Variants in NPAS2 observed in about 807,000 individuals in gnomAD.
NPAS2 encodes the protein neuronal PAS domain protein 2, also known as neuronal PAS domain-containing protein 2.
In NPAS2, 23 loss-of-function variants were observed where a neutral mutation model predicts 107.5. The ratio of observed to expected loss-of-function variants is 0.21; its 90% CI spans 0.15 to 0.30. The LOEUF (loss-of-function observed/expected upper bound fraction) is 0.30. NPAS2 is among the 10% of genes least tolerant of loss of function. The pLI is 1.00. For synonymous variants in NPAS2, 403 were observed against 417.5 expected, an observed-to-expected ratio of 0.97 and a Z score of 0.42; for missense variants, 756 against 1,043.3, an observed-to-expected ratio of 0.72 and a Z score of 3.79.
intron 1 of NPAS2, among the ~76,000 whole-genome samples, chr2:100,852,839 T>G (rs1678291229): frequency 6.6e-6 from 1 of 152,146 alleles, no homozygotes; most frequent in South Asian, 2.1e-4. Context: ...AGGTTAGCAC[T>G]AGTTCCTGCA....
chr2:100,823,289 G>A (rs1676184297), intron 1 of NPAS2, among the ~76,000 whole-genome samples: 1 of 152,130 alleles, frequency 6.6e-6, no homozygotes, highest in African/African-American at 2.4e-5. Flanking sequence ...AGTCTTTAAG[G>A]CACAACTGCT....
intron 1 of NPAS2, among the ~76,000 whole-genome samples, chr2:100,882,405 C>G (rs187641501): frequency 5.3e-5 from 8 of 152,066 alleles, no homozygotes; most frequent in Non-Finnish European, 1.0e-4. Context: ...GTCAGGAGTT[C>G]GAGACCATCC....
intron 4 of NPAS2, among the ~76,000 whole-genome samples, chr2:100,936,407 G>A (rs1167804937): frequency 2.0e-5 from 3 of 152,050 alleles, no homozygotes. Flanking sequence ...GTCCAGATTC[G>A]GGGAAGATAG....
intron 15 of NPAS2, among the ~76,000 whole-genome samples, chr2:100,979,899 A>G (rs970639979): frequency 1.3e-5 from 2 of 152,096 alleles, no homozygotes; most frequent in African/African-American, 4.8e-5. Flanking sequence ...TTCCCACTTC[A>G]TGTGAAATAC....
intron 3 of NPAS2, among the ~76,000 whole-genome samples, chr2:100,928,382 A>G (rs1390216623): frequency 6.6e-6 from 1 of 151,190 alleles, no homozygotes; most frequent in East Asian, 1.9e-4. Flanking sequence ...AAACTAGGTC[A>G]TTGCCACCGA....
At chr2:100,950,030 C>T (rs1396584731) in intron 7 of NPAS2, among the ~76,000 whole-genome samples, 3 of 152,202 alleles carry the variant, frequency 2.0e-5, no homozygotes, top group Non-Finnish European at 4.4e-5. Flanking sequence ...TCTGAAAGTA[C>T]CCGGTTACCT....
chr2:100,920,028 A>G (rs769873302), intron 2 of NPAS2, among the ~76,000 whole-genome samples: 1 of 152,162 alleles, frequency 6.6e-6, no homozygotes, highest in Non-Finnish European at 1.5e-5. Flanking sequence ...ATATCGCTTG[A>G]TGGAGCGCCT....
At chr2:100,827,989 T>C (rs1031818595) in intron 1 of NPAS2, among the ~76,000 whole-genome samples, 1 of 152,228 alleles carries the variant, frequency 6.6e-6, no homozygotes, top group African/African-American at 2.4e-5. Context: ...TTGAGAAAGC[T>C]CCAAACTGCA....
chr2:100,878,235 CA>C (rs1444132799), intron 1 of NPAS2: 1 of 985,130 alleles, frequency 1.0e-6, no homozygotes, highest in Non-Finnish European at 1.2e-6. Context: ...GGGCAGAAGG[CA>C]AAAAAATATA....
intron 14 of NPAS2, chr2:100,977,261 CT>C (rs1327680304): frequency 5.0e-6 from 1 of 199,140 alleles, no homozygotes; most frequent in Non-Finnish European, 1.1e-5. Flanking sequence ...CATGGCGTGT[CT>C]GTCCATCTGC....
At chr2:100,888,843 G>A (rs911356966) in intron 1 of NPAS2, among the ~76,000 whole-genome samples, 15 of 152,080 alleles carry the variant, frequency 9.9e-5, no homozygotes, top group African/African-American at 3.1e-4. Flanking sequence ...TTGACACCCC[G>A]AAGCCACCAC....
intron 1 of NPAS2, among the ~76,000 whole-genome samples, chr2:100,873,371 T>G (rs1679749148): frequency 6.9e-6 from 1 of 145,702 alleles, no homozygotes; most frequent in South Asian, 2.1e-4. Flanking sequence ...TGTGTATATA[T>G]ATATATTTTT....
At chr2:100,918,258 A>G (rs13028118) in intron 2 of NPAS2, among the ~76,000 whole-genome samples, 104,046 of 151,828 alleles carry the variant, frequency 0.69, 35,768 homozygotes, top group Admixed American at 0.77. Context: ...TCAATACTGA[A>G]ATTATAAATC....
intron 1 of NPAS2, among the ~76,000 whole-genome samples, chr2:100,875,461 TACACACACACACACACACACACACACAC>T (rs56331462): frequency 7.0e-6 from 1 of 143,568 alleles, no homozygotes; most frequent in African/African-American, 2.6e-5. Flanking sequence ...ATTAAAAGCT[TACACACACACACACACACACACACACAC>T]ACACACACAC....
chr2:100,995,863 G>A lies in NPAS2; in HGVS notation c.*281G>A, dbSNP rs1160456590. On this transcript the variant is annotated 3_prime_UTR_variant, in exon 21 of 21. Transcript: ENST00000335681. ...TGCCCCGTGTAGGCATCGTCGGTCGGTTTGCCGTCAGAGATGGCGCATCTC... is the reference window on the plus strand; with the variant it reads ...TGCCCCGTGTAGGCATCGTCGGTCGATTTGCCGTCAGAGATGGCGCATCTC... The A allele has an allele frequency of 1.2e-5, 18 of 1,500,294 alleles. No individual in the cohort carries two copies. The highest frequency in any genetic ancestry group is 2.0e-5 in the Admixed American group (1 of 49,412). The allele number at this position is 1,500,294 out of a possible 1,614,324, so 92.9% of individuals were successfully genotyped here.
At chr2:100,982,150 C>T in intron 15 of NPAS2, 81 bp from the exon 16 acceptor site, 2 of 1,522,076 alleles carry the variant, frequency 1.3e-6, no homozygotes, top group South Asian at 1.2e-5. Context: ...ATGAAGTGTA[C>T]AGACCGAGCA....
Position 100,846,867 on chromosome 2 carries a change from A to G in NPAS2, c.-23+26453A>G, listed in dbSNP as rs1261397907. ...AACTGAGGCCCAGAAAGGTTCAGCC[A>G]TCTGCCTGAGGTCACACAGCCACAG... On this transcript the variant is annotated intron_variant, in intron 1 of 20. Coordinates refer to ENST00000335681, the MANE Select transcript of NPAS2 (RefSeq NM_002518.4). 2.0e-5 allele frequency: 3 copies of G among 152,218 alleles called. No homozygotes were observed. The East Asian group carries it at 5.8e-4, about 29-fold the overall frequency. 9.4% of individuals were successfully genotyped at this position (152,218 alleles called of 1,614,324 possible).
At chr2:100,826,858 C>T (rs1409115532) in intron 1 of NPAS2, among the ~76,000 whole-genome samples, 1 of 152,138 alleles carries the variant, frequency 6.6e-6, no homozygotes, top group African/African-American at 2.4e-5. Flanking sequence ...AAGATATTTT[C>T]CAGCTTTTAA....
intron 7 of NPAS2, among the ~76,000 whole-genome samples, chr2:100,951,195 G>A (rs1167714132): frequency 1.3e-5 from 2 of 152,188 alleles, no homozygotes; most frequent in Non-Finnish European, 2.9e-5. Flanking sequence ...ATTCTGTGGA[G>A]AATGCAATGG....
Sources: allele counts gnomAD v4.1 joint callset (sites outside exome capture counted in the v4.1 genomes callset), GRCh38; gene constraint gnomAD v4.1.1; transcripts MANE v1.5; gene names NCBI Gene and HGNC (gene_info 2026-07-23, HGNC 2026-07-21).